ACVR2B: variants seen among roughly 807,000 people sequenced by gnomAD.
ACVR2B encodes the protein activin receptor type-2B.
A neutral mutation model predicts 65.1 loss-of-function variants in ACVR2B; 18 were observed. That is an observed-to-expected ratio of 0.28 (90% CI 0.19 to 0.41). The LOEUF (loss-of-function observed/expected upper bound fraction) is 0.41, where lower values mean the gene tolerates loss of function less well. Among genes scored for constraint, ACVR2B ranks in the 10% least tolerant of loss-of-function variants. The probability of loss-of-function intolerance (pLI) is 1.00; values close to 1 mark genes in which losing one functional copy is unlikely to be tolerated. For synonymous variants in ACVR2B, 298 were observed against 277.7 expected (o/e 1.07, Z -0.73); for missense variants, 482 against 682.7 (o/e 0.71, Z 3.28).
In ACVR2B at chr3:38,483,086, C is replaced by T; in HGVS notation, c.1345-52C>T. Reference sequence around the variant, plus strand: ...TTTACTGTCCCCCAAAGCTTTTCCTCACTGAAGGGTCCTAACAAAGGTGTC... The same window carrying T: ...TTTACTGTCCCCCAAAGCTTTTCCTTACTGAAGGGTCCTAACAAAGGTGTC... On this transcript the variant is annotated intron_variant, in intron 10 of 10. Transcript: ENST00000352511. The surrounding 1 kb of genome is among the most constrained non-coding windows in gnomAD (Gnocchi z 4.8). 1.9e-6 allele frequency: 3 copies of T among 1,603,968 alleles called. No homozygotes were observed. Among genetic ancestry groups the T allele is most frequent in the Non-Finnish European group, 2.6e-6 (3 of 1,171,148 alleles).
intron 1 of ACVR2B, chr3:38,473,426 T>G (rs1709853435): frequency 6.6e-6 from 1 of 152,130 alleles, no homozygotes; most frequent in Admixed American, 6.6e-5. Flanking sequence ...TTCCTGGGTG[T>G]GGGTGGGAAT....
intron 1 of ACVR2B, among the ~76,000 whole-genome samples, chr3:38,472,940 G>A (rs886978333): frequency 7.2e-5 from 11 of 152,184 alleles, no homozygotes; most frequent in South Asian, 2.1e-4. Flanking sequence ...CTCCCAGTGC[G>A]TGTCTTCGAG....
chr3:38,487,444 C>T lies in ACVR2B; in HGVS notation c.*4112C>T, dbSNP rs188246738. On this transcript the variant is annotated 3_prime_UTR_variant, in exon 11 of 11. Transcript: ENST00000352511. The stretch of plus-strand genomic sequence containing the variant: ...CCTGTAGTTGGGCTCTGTCACCTTT[C>T]TCTTCAGTTGGCCACATTCTCGTTT... The T allele has an allele frequency of 6.6e-6, 1 of 152,456 alleles. No individual in the cohort carries two copies. Among genetic ancestry groups the T allele is most frequent in the East Asian group, 1.9e-4 (1 of 5,168 alleles). The allele number at this position is 152,456 out of a possible 1,614,324, so 9.4% of individuals were successfully genotyped here.
At chr3:38,478,976 C>G (rs1199567365) in intron 5 of ACVR2B, 152 bp from the exon 6 acceptor site, 11 of 1,021,676 alleles carry the variant, frequency 1.1e-5, no homozygotes, top group Non-Finnish European at 1.5e-5. Context: ...GGTCCCCTTA[C>G]AAATGCTGAA....
At chr3:38,463,665 A>G (rs1159528462) in intron 1 of ACVR2B, among the ~76,000 whole-genome samples, 1 of 152,204 alleles carries the variant, frequency 6.6e-6, no homozygotes, top group African/African-American at 2.4e-5. Context: ...ATGGATTTAG[A>G]TGACACTCAA....
At chr3:38,458,345 C>G (rs992876382) in intron 1 of ACVR2B, among the ~76,000 whole-genome samples, 2 of 152,172 alleles carry the variant, frequency 1.3e-5, no homozygotes, top group South Asian at 2.1e-4. Flanking sequence ...AAATGTAAAT[C>G]GGTATATGTG....
chr3:38,471,785 T>G (rs1307086400), intron 1 of ACVR2B, among the ~76,000 whole-genome samples: 3 of 152,194 alleles, frequency 2.0e-5, no homozygotes, highest in Admixed American at 6.5e-5. Flanking sequence ...TTTTATAAAA[T>G]GAGGACCTGC....
intron 1 of ACVR2B, chr3:38,454,598 C>T: frequency 2.7e-6 from 1 of 365,876 alleles, no homozygotes; most frequent in Non-Finnish European, 4.7e-6. Flanking sequence ...ATTCTGGTTC[C>T]TAGAGGCGCC....
Position 38,478,136 on chromosome 3 carries a change from C to A in ACVR2B, c.371-5C>A. 1 of 1,611,276 alleles carries A rather than the reference C, an allele frequency of 6.2e-7. No homozygotes were observed. Among genetic ancestry groups the A allele is most frequent in the African/African-American group, 1.3e-5 (1 of 74,900 alleles). ...GTTTGACACAGGGCTCTGTGTGTCC[C>A]CCAGTCACGTACGAGCCACCCCCGA... On this transcript the variant is annotated splice_polypyrimidine_tract_variant and splice_region_variant and intron_variant, in intron 3 of 10. Transcript: ENST00000352511.
intron 1 of ACVR2B, chr3:38,473,393 C>CT (rs1334386842): frequency 1.3e-5 from 2 of 152,386 alleles, no homozygotes; most frequent in African/African-American, 4.8e-5. Flanking sequence ...CAAGGGGAGC[C>CT]TCCTGTGCAT....
rs1158585285 is a variant in ACVR2B, at chr3:38,481,858, T to C, written c.1075-340T>C. Among the ~76,000 whole-genome samples, 4 of 152,246 alleles carry C rather than the reference T, an allele frequency of 2.6e-5. No individual in the cohort carries two copies. The highest frequency in any genetic ancestry group is 2.1e-4 in the South Asian group (1 of 4,836). On this transcript the variant is annotated intron_variant, in intron 8 of 10. Coordinates refer to ENST00000352511, the MANE Select transcript of ACVR2B (RefSeq NM_001106.4). This position sits in a 1 kb window ranked among gnomAD's most constrained non-coding sequence, Gnocchi z 4.7. ...ATCATTCCTAAAACAATCACTGTTA[T>C]TATTTTTTAAGTGTTCTCCTTCCCT... is the stretch of plus-strand genomic sequence containing the variant.
rs1710172084 is a variant in ACVR2B at position 38,489,208 on chromosome 3, T to C, written c.*5876T>C. 6.6e-6 allele frequency: 1 copy of C among 152,632 alleles called. No individual in the cohort carries two copies. The highest frequency in any genetic ancestry group is 1.5e-5 in the Non-Finnish European group (1 of 68,044). The allele number at this position is 152,632 out of a possible 1,614,324, so 9.5% of individuals were successfully genotyped here. On this transcript the variant is annotated 3_prime_UTR_variant, in exon 11 of 11. Coordinates refer to ENST00000352511, the MANE Select transcript of ACVR2B (RefSeq NM_001106.4). ...GCATTGTAAATAAAAGAATAGGTTG[T>C]ATAATAGATACACAACACTTGAAAC...
chr3:38,459,774 GAGGTGTGGGC>G (rs1356854953), intron 1 of ACVR2B: 3 of 700,874 alleles, frequency 4.3e-6, no homozygotes, highest in Non-Finnish European at 5.3e-6. Flanking sequence ...TGGACCTGGG[GAGGTGTGGGC>G]AGCGCTGCCT....
In ACVR2B at chr3:38,486,554, C is replaced by T. The variant is rs1163660854; in HGVS notation, c.*3222C>T. On this transcript the variant is annotated 3_prime_UTR_variant, in exon 11 of 11. Transcript: ENST00000352511. ...TCATGTGACATGCACTTTTGGTGGGCTCAGATAATTGGTTTCTTTTTGTTT... is the reference window on the plus strand; with the variant it reads ...TCATGTGACATGCACTTTTGGTGGGTTCAGATAATTGGTTTCTTTTTGTTT... 1.3e-5 allele frequency: 2 copies of T among 152,112 alleles called. No individual in the cohort carries two copies. The highest frequency in any genetic ancestry group is 2.9e-5 in the Non-Finnish European group (2 of 68,044). The allele number at this position is 152,112 out of a possible 1,614,324, so 9.4% of individuals were successfully genotyped here.
chr3:38,472,109 T>C (rs1275596913), intron 1 of ACVR2B, among the ~76,000 whole-genome samples: 1 of 152,226 alleles, frequency 6.6e-6, no homozygotes, highest in Non-Finnish European at 1.5e-5. Context: ...TGTCTTTATC[T>C]GTTATACACT....
chr3:38,454,246 C>T lies in ACVR2B; in HGVS notation c.-77C>T. On this transcript the variant is annotated 5_prime_UTR_variant, in exon 1 of 11. Transcript: ENST00000352511. The stretch of plus-strand genomic sequence containing the variant: ...GCGGGAAGGAGAGCGCAGCCGCCGC[C>T]TGGCCCTGCGCGCCCCGGGAGCGCC... 9.2e-7 allele frequency: 1 copy of T among 1,087,546 alleles called. No homozygotes were observed. The highest frequency in any genetic ancestry group is 3.5e-5 in the South Asian group (1 of 28,370). The allele number at this position is 1,087,546 out of a possible 1,614,324, so 67.4% of individuals were successfully genotyped here. A position where few individuals can be genotyped will look rare whatever the true frequency, so the allele number is the denominator to read the frequency against.
chr3:38,472,990 T>C (rs887328969), intron 1 of ACVR2B, among the ~76,000 whole-genome samples: 6 of 152,140 alleles, frequency 3.9e-5, no homozygotes, highest in African/African-American at 1.2e-4. Flanking sequence ...ACCAGGAATG[T>C]TGGTTCAGAG....
chr3:38,472,582 A>G (rs990701744), intron 1 of ACVR2B, among the ~76,000 whole-genome samples: 3 of 152,050 alleles, frequency 2.0e-5, no homozygotes, highest in Non-Finnish European at 4.4e-5. Context: ...TACAGTGCCC[A>G]CAAGGGTGGG....
rs577937379 is a variant in ACVR2B at position 38,486,747 on chromosome 3, G to A, written c.*3415G>A. The A allele has an allele frequency of 6.6e-6, 1 of 152,350 alleles. No homozygotes were observed. Among genetic ancestry groups the A allele is most frequent in the Non-Finnish European group, 1.5e-5 (1 of 68,048 alleles). The allele number at this position is 152,350 out of a possible 1,614,324, so 9.4% of individuals were successfully genotyped here. ...TGTGCTGTCATCCAAGCAGGCTCCTGGCTGTAGGGATGGGCCTTGGGGAAG... is the reference window on the plus strand; with the variant it reads ...TGTGCTGTCATCCAAGCAGGCTCCTAGCTGTAGGGATGGGCCTTGGGGAAG... On this transcript the variant is annotated 3_prime_UTR_variant, in exon 11 of 11. Transcript: ENST00000352511.
Sources: allele counts gnomAD v4.1 joint callset (sites outside exome capture counted in the v4.1 genomes callset), GRCh38; gene constraint gnomAD v4.1.1; non-coding constraint Gnocchi (gnomAD v3.1); transcripts MANE v1.5; gene names NCBI Gene and HGNC (gene_info 2026-07-23, HGNC 2026-07-21).